NSD3: variants seen among roughly 807,000 people sequenced by gnomAD.
NSD3 encodes the protein histone-lysine N-methyltransferase NSD3.
A neutral mutation model predicts 160.8 loss-of-function variants in NSD3; 24 were observed. The observed-to-expected ratio is 0.15, with a 90% CI of 0.11 to 0.21. NSD3 has a LOEUF of 0.21. Among genes scored for constraint, NSD3 ranks in the 10% least tolerant of loss-of-function variants. The pLI, the probability that NSD3 is intolerant of heterozygous loss-of-function variation, is 1.00. For synonymous variants in NSD3, 520 were observed against 600.0 expected (o/e 0.87, Z 1.95); for missense variants, 1,157 against 1,735.9 (o/e 0.67, Z 5.93).
intron 15 of NSD3, among the ~76,000 whole-genome samples, chr8:38,296,413 A>G (rs1396043522): frequency 1.4e-5 from 2 of 146,670 alleles, no homozygotes; most frequent in African/African-American, 5.0e-5. Flanking sequence ...CCTTTACAAT[A>G]TAATTAGCAA....
chr8:38,352,818 C>T lies in NSD3; in HGVS notation c.-44-4603G>A, dbSNP rs1230029074. On this transcript the variant is annotated intron_variant, in intron 1 of 23. Coordinates refer to ENST00000317025, the MANE Select transcript of NSD3 (RefSeq NM_023034.2). ...ATGGAGTTTCACTATGTTGCCCAGG[C>T]TGATCTCGAGCTCCTGATGTCCATG... 2.0e-5 allele frequency among the ~76,000 whole-genome samples: 3 copies of T among 152,166 alleles called. No individual in the cohort carries two copies. In the East Asian group the frequency reaches 5.8e-4, roughly 29 times the overall value.
chr8:38,369,099 T>C (rs868222562), intron 1 of NSD3, among the ~76,000 whole-genome samples: 12 of 152,198 alleles, frequency 7.9e-5, no homozygotes, highest in Admixed American at 1.3e-4. Flanking sequence ...TAAATAATAA[T>C]TTACTAAGTT....
At chr8:38,362,501 A>C (rs1053711870) in intron 1 of NSD3, among the ~76,000 whole-genome samples, 1 of 152,090 alleles carries the variant, frequency 6.6e-6, no homozygotes, top group Admixed American at 6.6e-5. Context: ...TTAGTATGTA[A>C]TTTTTTAATT....
chr8:38,359,200 ATT>A (rs1012998167), intron 1 of NSD3, among the ~76,000 whole-genome samples: 1 of 152,172 alleles, frequency 6.6e-6, no homozygotes, highest in African/African-American at 2.4e-5. Context: ...ACAAATGTGT[ATT>A]GTTTAAAAAT....
At chr8:38,348,320 T>C in intron 1 of NSD3, 105 bp from the exon 2 acceptor site, 2 of 771,468 alleles carry the variant, frequency 2.6e-6, no homozygotes, top group Admixed American at 3.4e-5. Context: ...TCAATTTTCA[T>C]ATCCAGATAT....
chr8:38,281,559 C>T lies in NSD3; in HGVS notation c.3526G>A (p.Gly1176Ser). The T allele has an allele frequency of 1.3e-5, 21 of 1,604,388 alleles. No individual in the cohort carries two copies. The highest frequency in any genetic ancestry group is 1.8e-5 in the Non-Finnish European group (21 of 1,174,864). ...KKGEFVNEYV[G>S]ELIDEEECRL... ...CATTCTTCTTCATCAATTAATTCAC[C>T]GACGTATTCATTTACAAATTCACCC... Residue 1176 changes from glycine (G) to serine (S), a missense_variant, in exon 20 of 24, where the codon GGT (glycine) becomes AGT (serine). Physicochemically the swap from Gly to Ser is moderately conservative, Grantham distance 56. Transcript: ENST00000317025.
intron 2 of NSD3, among the ~76,000 whole-genome samples, chr8:38,341,118 G>A (rs990946076): frequency 3.3e-5 from 5 of 152,098 alleles, no homozygotes; most frequent in Admixed American, 6.6e-5. Context: ...GTGATGGAGC[G>A]AAACCCCGTC....
chr8:38,276,554 T>C, intron 22 of NSD3, 54 bp from the exon 23 acceptor site: 1 of 1,591,368 alleles, frequency 6.3e-7, no homozygotes, highest in South Asian at 1.1e-5. Context: ...TGCATGAAGC[T>C]GGACACAGGA....
intron 19 of NSD3, among the ~76,000 whole-genome samples, chr8:38,283,624 T>C (rs1290616077): frequency 2.0e-5 from 3 of 152,140 alleles, no homozygotes; most frequent in Admixed American, 2.0e-4. Context: ...ATGGTTAAAC[T>C]AGAAGGGCCC....
In NSD3 at chr8:38,305,227, C is replaced by T. The variant is rs541562512; in HGVS notation, c.2440+21G>A. On this transcript the variant is annotated intron_variant, in intron 13 of 23. Coordinates refer to ENST00000317025, the MANE Select transcript of NSD3 (RefSeq NM_023034.2). Reference sequence around the variant, plus strand: ...CTGCCCTTAAAACAAAAATCTTTGTCTCCTTCTTCAGCTGTTTTACCTTTA... The same window carrying T: ...CTGCCCTTAAAACAAAAATCTTTGTTTCCTTCTTCAGCTGTTTTACCTTTA... 1.9e-6 allele frequency: 3 copies of T among 1,608,118 alleles called. No individual in the cohort carries two copies. The African/African-American group carries it at 4.0e-5, about 22-fold the overall frequency.
chr8:38,366,454 C>T (rs1218492245), intron 1 of NSD3, among the ~76,000 whole-genome samples: 21 of 139,544 alleles, frequency 1.5e-4, no homozygotes, highest in African/African-American at 4.5e-4. Flanking sequence ...TCTCTGTCGT[C>T]GCCAGGCTGG....
At position 38,379,160 on chromosome 8, in the gene NSD3, T is replaced by A. The variant is rs1234051595; in HGVS notation, c.-45+2639A>T. Among the ~76,000 whole-genome samples, 3 of 152,056 alleles carry A rather than the reference T, an allele frequency of 2.0e-5. No individual in the cohort carries two copies. The East Asian group carries it at 5.8e-4, about 29-fold the overall frequency. Reference sequence around the variant, plus strand: ...CAGGTGGGCTGATGGACATATTAATTGGTTATAAGTGTTATTTAACAAGAG... The same window carrying A: ...CAGGTGGGCTGATGGACATATTAATAGGTTATAAGTGTTATTTAACAAGAG... On this transcript the variant is annotated intron_variant, in intron 1 of 23. Coordinates refer to ENST00000317025, the MANE Select transcript of NSD3 (RefSeq NM_023034.2).
chr8:38,323,260 T>C (rs1809833731), intron 7 of NSD3, among the ~76,000 whole-genome samples: 1 of 151,950 alleles, frequency 6.6e-6, no homozygotes, highest in African/African-American at 2.4e-5. Flanking sequence ...GGTTTCACCA[T>C]GTTGGCCAGG....
intron 23 of NSD3, 124 bp downstream of exon 23, chr8:38,276,172 C>T (rs1335073393): frequency 1.2e-5 from 14 of 1,129,960 alleles, no homozygotes; most frequent in African/African-American, 1.6e-5. Context: ...TTTTTGCCAG[C>T]GTAATTTTTC....
chr8:38,343,749 C>A (rs566329837), intron 2 of NSD3, among the ~76,000 whole-genome samples: 117 of 152,198 alleles, frequency 7.7e-4, no homozygotes, highest in African/African-American at 2.7e-3. Context: ...CAATAAAGAA[C>A]ATTTTGCATA....
In NSD3 at chr8:38,348,022, T is replaced by G. The variant is rs763263124; in HGVS notation, c.150A>C (p.Glu50Asp). 2.5e-6 allele frequency: 4 copies of G among 1,614,108 alleles called. No individual in the cohort carries two copies. The highest frequency in any genetic ancestry group is 3.4e-6 in the Non-Finnish European group (4 of 1,180,050). Residue 50 changes from glutamate to aspartate, a missense_variant, in exon 2 of 24, where the codon GAA (glutamate) becomes GAC (aspartate). Transcript: ENST00000317025. ...IAEDGGQTPYEATLQQGFQYP... is the reference protein window; with the variant it reads ...IAEDGGQTPYDATLQQGFQYP... ...ACTGAAAGCCTTGCTGCAAAGTAGC[T>G]TCATATGGTGTCTGGCCACCATCTT...
At chr8:38,345,956 A>G (rs898852406) in intron 2 of NSD3, among the ~76,000 whole-genome samples, 5 of 151,986 alleles carry the variant, frequency 3.3e-5, no homozygotes, top group African/African-American at 1.2e-4. Flanking sequence ...ATCCTGAGCT[A>G]TAATAGTTAA....
At chr8:38,307,593 A>G (rs1809439490) in intron 12 of NSD3, among the ~76,000 whole-genome samples, 1 of 152,196 alleles carries the variant, frequency 6.6e-6, no homozygotes, top group Non-Finnish European at 1.5e-5. Flanking sequence ...AACTATGACT[A>G]TATGTATACT....
rs1307519855 is a variant in NSD3, at chr8:38,276,438, T to C, written c.3930A>G (p.Arg1310=). 6.2e-7 allele frequency: 1 copy of C among 1,614,224 alleles called. No individual in the cohort carries two copies. The change falls in exon 23 of 24, where the codon CGA becomes CGG. Residue 1310 remains arginine, a synonymous_variant. Transcript: ENST00000317025. Reference sequence around the variant, plus strand: ...TCTGCTTTGGTTCTGTTTTGATCTTTCGTCTCTTCTGTTTTAACTTAGCAT... The same window carrying C: ...TCTGCTTTGGTTCTGTTTTGATCTTCCGTCTCTTCTGTTTTAACTTAGCAT... ...AKNAKLKQKR[R]KIKTEPKQMH... is the part of the protein sequence containing the mutation.
Sources: gnomAD v4.1 joint callset for allele counts (sites outside exome capture counted in the v4.1 genomes callset) on GRCh38, gnomAD v4.1.1 for gene constraint, MANE v1.5 for transcripts, NCBI Gene and HGNC (gene_info 2026-07-23, HGNC 2026-07-21) for gene names.